Variants in UNC13B observed in about 807,000 individuals in gnomAD.
UNC13B encodes the protein unc-13 homolog B, also known as protein unc-13 homolog B.
In UNC13B, 144 loss-of-function variants were observed where a neutral mutation model predicts 211.0. The ratio of observed to expected loss-of-function variants is 0.68; its 90% CI spans 0.60 to 0.78. The LOEUF is 0.78. Ranked by LOEUF, UNC13B falls within the 30% of genes least tolerant of loss-of-function variation. The pLI, the probability that UNC13B is intolerant of heterozygous loss-of-function variation, is 0.00. For missense variants in UNC13B, 1,777 were observed against 2,002.0 expected, an observed-to-expected ratio of 0.89 and a Z score of 2.14; for synonymous variants, 709 against 725.8, an observed-to-expected ratio of 0.98 and a Z score of 0.37.
intron 1 of UNC13B, among the ~76,000 whole-genome samples, chr9:35,204,473 A>T (rs1442298514): frequency 6.6e-6 from 1 of 152,186 alleles, no homozygotes; most frequent in Non-Finnish European, 1.5e-5. Flanking sequence ...CAGGCACTCA[A>T]CGCCAGCCTG....
intron 6 of UNC13B, among the ~76,000 whole-genome samples, chr9:35,257,271 C>T (rs910219707): frequency 1.4e-5 from 2 of 144,342 alleles, no homozygotes; most frequent in South Asian, 2.2e-4. Flanking sequence ...CCAGCCTGGC[C>T]AACGTGGTGA....
intron 1 of UNC13B, among the ~76,000 whole-genome samples, chr9:35,225,190 T>G (rs914354150): frequency 1.3e-5 from 2 of 152,170 alleles, no homozygotes; most frequent in African/African-American, 4.8e-5. Context: ...AGACAGGGTC[T>G]CACTCTGTCA....
rs925187413 is a variant in UNC13B at position 35,307,031 on chromosome 9, G to A, written c.7627G>A (p.Val2543Ile). The A allele has an allele frequency of 7.3e-5, 29 of 398,902 alleles. No homozygotes were observed. Among genetic ancestry groups the A allele is most frequent in the Non-Finnish European group, 1.3e-5 (3 of 226,074 alleles). 24.7% of individuals were successfully genotyped at this position (398,902 alleles called of 1,614,324 possible). A position where few individuals can be genotyped will look rare whatever the true frequency, so the allele number is the denominator to read the frequency against. ...TCAAAATGGTTGTTCCAGAGATGCT[G>A]TAGGATCAGTACCTCCAGAAAGGAG... ...WLQNGCSRDA[V>I]GSVPPERREA... is the part of the protein sequence containing the mutation. Residue 2543 changes from valine (V) to isoleucine (I), a missense_variant, in exon 9 of 40, where the codon GTA (valine) becomes ATA (isoleucine). Val to Ile is a conservative substitution (Grantham distance 29). Transcript: ENST00000635942.
chr9:35,257,712 G>A (rs1035046657), intron 6 of UNC13B, among the ~76,000 whole-genome samples: 1 of 149,426 alleles, frequency 6.7e-6, no homozygotes, highest in Admixed American at 6.7e-5. Flanking sequence ...AGTAATAACA[G>A]TATCTACCTC....
rs1295707287 is a variant in UNC13B, at chr9:35,398,948, A to G, written c.11988A>G (p.Thr3996=). 2 of 1,614,236 alleles carry G rather than the reference A, an allele frequency of 1.2e-6. No individual in the cohort carries two copies. Among genetic ancestry groups the G allele is most frequent in the Non-Finnish European group, 8.5e-7 (1 of 1,180,040 alleles). Residue 3996 remains threonine, a synonymous_variant, in exon 33 of 40, where the codon ACA becomes ACG. Coordinates refer to ENST00000635942, the MANE Select transcript of UNC13B (RefSeq NM_001371189.2). ...MADILGQVRG[T]GNASPDARAS... is the part of the protein sequence containing the mutation. Reference sequence around the variant, plus strand: ...ACATCCTGGGCCAGGTTCGGGGCACAGGGAATGCATCTCCAGACGCCAGGG... The same window carrying G: ...ACATCCTGGGCCAGGTTCGGGGCACGGGGAATGCATCTCCAGACGCCAGGG...
intron 1 of UNC13B, among the ~76,000 whole-genome samples, chr9:35,201,344 C>T (rs1387332581): frequency 6.6e-6 from 1 of 152,158 alleles, no homozygotes; most frequent in African/African-American, 2.4e-5. Context: ...ATGATGCTGG[C>T]CTCATAAAAT....
intron 11 of UNC13B, among the ~76,000 whole-genome samples, chr9:35,314,872 A>G (rs1274491525): frequency 1.0e-5 from 1 of 96,698 alleles, no homozygotes; most frequent in African/African-American, 3.9e-5. Context: ...TTGATTCCGT[A>G]TCTTTTTTTT....
At chr9:35,333,967 T>G (rs113507222) in intron 11 of UNC13B, among the ~76,000 whole-genome samples, 3,891 of 151,812 alleles carry the variant, frequency 0.026, 175 homozygotes, top group African/African-American at 0.087. Context: ...TTTGTTTGTT[T>G]TTTTTTTTGT....
intron 11 of UNC13B, among the ~76,000 whole-genome samples, chr9:35,328,102 C>T (rs1422114047): frequency 3.9e-5 from 6 of 152,188 alleles, no homozygotes; most frequent in Non-Finnish European, 7.4e-5. Context: ...CTCACTGCAA[C>T]CTCTGCCTCC....
At chr9:35,253,676 T>C (rs1826649666) in intron 6 of UNC13B, among the ~76,000 whole-genome samples, 1 of 152,222 alleles carries the variant, frequency 6.6e-6, no homozygotes, top group Non-Finnish European at 1.5e-5. Context: ...CACCTACCAC[T>C]TTACAGAGTT....
chr9:35,381,192 G>T lies in UNC13B; in HGVS notation c.10468G>T (p.Val3490Leu). The change falls in exon 19 of 40, where the codon GTG becomes TTG. Residue 3490 changes from valine (V) to leucine (L), a missense_variant. Val to Leu is a conservative substitution (Grantham distance 32, BLOSUM62 1). Transcript: ENST00000635942. ...GGAGGAGAAAGTAGCCCCATACCAC[G>T]TGCAGTATACATGTCTCCATGAGGT... ...KGEEKVAPYH[V>L]QYTCLHENLF... 6.2e-7 allele frequency: 1 copy of T among 1,614,008 alleles called. No homozygotes were observed. Among genetic ancestry groups the T allele is most frequent in the Non-Finnish European group, 8.5e-7 (1 of 1,179,968 alleles).
intron 1 of UNC13B, among the ~76,000 whole-genome samples, chr9:35,218,809 G>T (rs1458388003): frequency 7.2e-5 from 11 of 151,898 alleles, no homozygotes; most frequent in Admixed American, 5.9e-4. Context: ...GAGTGCAATG[G>T]TGCAATCTTG....
intron 7 of UNC13B, among the ~76,000 whole-genome samples, chr9:35,281,706 T>C (rs1828505938): frequency 6.6e-6 from 1 of 152,186 alleles, no homozygotes; most frequent in Non-Finnish European, 1.5e-5. Context: ...CCTTATAGTA[T>C]AGAATAGTTA....
chr9:35,305,819 A>G lies in UNC13B; in HGVS notation c.6415A>G (p.Lys2139Glu). 2.5e-6 allele frequency: 1 copy of G among 399,026 alleles called. No individual in the cohort carries two copies. The highest frequency in any genetic ancestry group is 4.4e-6 in the Non-Finnish European group (1 of 226,040). The allele number at this position is 399,026 out of a possible 1,614,324, so 24.7% of individuals were successfully genotyped here. The change falls in exon 9 of 40, where the codon AAA becomes GAA. Residue 2139 changes from lysine (K) to glutamate (E), a missense_variant. Lys to Glu is a moderately conservative substitution (Grantham distance 56). Coordinates refer to ENST00000635942, the MANE Select transcript of UNC13B (RefSeq NM_001371189.2). ...NSNEQDHFSD[K>E]DWSFSMAATS... The stretch of plus-strand genomic sequence containing the variant: ...AAATGAACAAGATCATTTTTCTGAC[A>G]AAGACTGGAGTTTCTCTATGGCTGC...
chr9:35,239,138 T>C (rs1031944036), intron 5 of UNC13B, among the ~76,000 whole-genome samples: 2 of 152,144 alleles, frequency 1.3e-5, no homozygotes, highest in Non-Finnish European at 2.9e-5. Context: ...TGGCAGTCTT[T>C]TGTGTTTCCC....
chr9:35,311,219 G>A (rs571877457), intron 10 of UNC13B, among the ~76,000 whole-genome samples: 16 of 152,276 alleles, frequency 1.1e-4, no homozygotes, highest in African/African-American at 3.9e-4. Flanking sequence ...CAATCCACCT[G>A]CCTCAGACTC....
chr9:35,299,312 A>C (rs1408373968), intron 8 of UNC13B, among the ~76,000 whole-genome samples: 1 of 152,196 alleles, frequency 6.6e-6, no homozygotes, highest in Non-Finnish European at 1.5e-5. Flanking sequence ...ATAGTAAAAA[A>C]TGGTTTTATA....
chr9:35,234,674 A>G (rs1430823276), intron 3 of UNC13B, among the ~76,000 whole-genome samples: 2 of 152,176 alleles, frequency 1.3e-5, no homozygotes, highest in Non-Finnish European at 1.5e-5. Context: ...TTCTACTCCA[A>G]AGCACTAAGT....
At chr9:35,335,206 G>T (rs1831585872) in intron 11 of UNC13B, among the ~76,000 whole-genome samples, 1 of 152,210 alleles carries the variant, frequency 6.6e-6, no homozygotes, top group Non-Finnish European at 1.5e-5. Context: ...AATTCCCAGA[G>T]AATACTAAGT....
Sources: allele counts gnomAD v4.1 joint callset (sites outside exome capture counted in the v4.1 genomes callset), GRCh38; gene constraint gnomAD v4.1.1; transcripts MANE v1.5; gene names NCBI Gene and HGNC (gene_info 2026-07-23, HGNC 2026-07-21).